The following SS18L2 variants were observed in gnomAD, a reference collection of about 807,000 sequenced individuals.
SS18L2 encodes the protein SS18-like protein 2.
SS18L2 carries 8 observed loss-of-function variants against 10.3 expected under a neutral mutation model. That is an observed-to-expected ratio of 0.78 (90% CI 0.46 to 1.41). The LOEUF (loss-of-function observed/expected upper bound fraction) is 1.41, where lower values mean the gene tolerates loss of function less well. Among genes scored for constraint, SS18L2 ranks in the 40% most tolerant of loss-of-function variants. The pLI, the probability that SS18L2 is intolerant of heterozygous loss-of-function variation, is 0.00. For missense variants in SS18L2, 100 were observed against 96.2 expected, an observed-to-expected ratio of 1.04 and a Z score of -0.17; for synonymous variants, 41 against 34.6, an observed-to-expected ratio of 1.19 and a Z score of -0.65.
chr3:42,591,568 A>G lies in SS18L2; in HGVS notation c.113A>G (p.Tyr38Cys), dbSNP rs1704845380. The G allele has an allele frequency of 1.9e-6, 3 of 1,614,020 alleles. No homozygotes were observed. Among genetic ancestry groups the G allele is most frequent in the Admixed American group, 1.7e-5 (1 of 60,004 alleles). ...CAGCTGATCCGCTGTATTGTGGAGT[A>G]TCAGAACAAGGGCCGCGGGAACGAG... Reference protein sequence around the residue: ...NDQLIRCIVEYQNKGRGNECV... With the variant: ...NDQLIRCIVECQNKGRGNECV... The change falls in exon 2 of 3, where the codon TAT becomes TGT. Residue 38 changes from tyrosine (Y) to cysteine (C), a missense_variant. By Grantham distance (194) the Tyr-to-Cys change is radical. Coordinates refer to ENST00000011691, the MANE Select transcript of SS18L2 (RefSeq NM_001370300.1).
At chr3:42,583,249 G>A (rs997057941) in intron 1 of SS18L2, among the ~76,000 whole-genome samples, 1 of 152,234 alleles carries the variant, frequency 6.6e-6, no homozygotes, top group African/African-American at 2.4e-5. Context: ...CTGGGAGCCA[G>A]TGCAGTCATC....
chr3:42,592,027 G>A (rs1050353157), intron 2 of SS18L2, among the ~76,000 whole-genome samples: 1 of 151,976 alleles, frequency 6.6e-6, no homozygotes, highest in African/African-American at 2.4e-5. Context: ...CTAACTTCCC[G>A]TCAGTCTGTT....
chr3:42,588,445 T>C (rs945915912), upstream of SS18L2, among the ~76,000 whole-genome samples: 5 of 152,042 alleles, frequency 3.3e-5, no homozygotes, highest in Non-Finnish European at 7.4e-5. Context: ...ACTTTATTCC[T>C]CAAAACATGT....
upstream of SS18L2, among the ~76,000 whole-genome samples, chr3:42,588,562 A>G (rs568969787): frequency 3.7e-4 from 56 of 152,330 alleles, 1 homozygote; most frequent in Non-Finnish European, 6.8e-4. Flanking sequence ...CATATGTAGC[A>G]TTATGTTATA....
chr3:42,583,608 C>T (rs1027234909), intron 1 of SS18L2, among the ~76,000 whole-genome samples: 2 of 152,114 alleles, frequency 1.3e-5, no homozygotes, highest in Non-Finnish European at 2.9e-5. Context: ...ACTCAGGTAG[C>T]TGGGGGAACA....
chr3:42,591,199 T>G, intron 1 of SS18L2: 7 of 547,222 alleles, frequency 1.3e-5, no homozygotes, highest in East Asian at 9.0e-5. Context: ...ACCCTTTCTC[T>G]CCTTTTTTTT....
At chr3:42,592,691 G>A (rs34977988) in intron 2 of SS18L2, among the ~76,000 whole-genome samples, 26,113 of 151,988 alleles carry the variant, frequency 0.17, 2,712 homozygotes, top group African/African-American at 0.29. Flanking sequence ...AAAAGTTTAT[G>A]GTAAATACCT....
chr3:42,590,749 T>G (rs984394406), upstream of SS18L2: 3 of 835,072 alleles, frequency 3.6e-6, no homozygotes, highest in Admixed American at 5.6e-5. Context: ...AGGAAAGCGC[T>G]GAGTATAGCT....
upstream of SS18L2, among the ~76,000 whole-genome samples, chr3:42,589,079 A>G (rs967339528): frequency 6.6e-6 from 1 of 151,762 alleles, no homozygotes; most frequent in African/African-American, 2.4e-5. Flanking sequence ...CCTGACCAAT[A>G]TGGTGAAACC....
At position 42,596,830 on chromosome 3, in the gene SS18L2, G is replaced by A. The variant is rs1705046177; in HGVS notation, c.*2321G>A. On this transcript the variant is annotated 3_prime_UTR_variant, in exon 3 of 3. Coordinates refer to ENST00000011691, the MANE Select transcript of SS18L2 (RefSeq NM_001370300.1). ...ATTTGTCTCAGGTCACATAACCAGT[G>A]GCAGAAAGAAGAGAATTGCTGGAAT... 6.6e-6 allele frequency among the ~76,000 whole-genome samples: 1 copy of A among 152,126 alleles called. No individual in the cohort carries two copies. Among genetic ancestry groups the A allele is most frequent in the Non-Finnish European group, 1.5e-5 (1 of 68,016 alleles).
At chr3:42,588,415 A>C (rs1704695704), upstream of SS18L2, among the ~76,000 whole-genome samples, 2 of 152,154 alleles carry the variant, frequency 1.3e-5, no homozygotes, top group African/African-American at 4.8e-5. Context: ...AAAAAACAAC[A>C]ACAACAAAAA....
At chr3:42,589,039 C>T (rs957863146), upstream of SS18L2, among the ~76,000 whole-genome samples, 8 of 151,756 alleles carry the variant, frequency 5.3e-5, no homozygotes, top group East Asian at 5.8e-4. Flanking sequence ...CCGAAGCGGG[C>T]GGATCACGAG....
At position 42,595,710 on chromosome 3, in the gene SS18L2, A is replaced by G. The variant is rs146912537; in HGVS notation, c.*1201A>G. Among the ~76,000 whole-genome samples, 2 of 152,256 alleles carry G rather than the reference A, an allele frequency of 1.3e-5. No individual in the cohort carries two copies. On this transcript the variant is annotated 3_prime_UTR_variant, in exon 3 of 3. Transcript: ENST00000011691. ...GAGGCAAAGGGATTCTTGTAAGTAT[A>G]TCCAAAATTAGAAGCCCAGGTCCCT...
upstream of SS18L2, among the ~76,000 whole-genome samples, chr3:42,588,379 T>G (rs1337104046): frequency 6.6e-6 from 1 of 152,154 alleles, no homozygotes. Flanking sequence ...CACTCCAGCT[T>G]GGGCAACAGA....
chr3:42,588,804 G>A (rs1704709182), upstream of SS18L2, among the ~76,000 whole-genome samples: 1 of 152,090 alleles, frequency 6.6e-6, no homozygotes, highest in East Asian at 1.9e-4. Flanking sequence ...TGCTCCTGAT[G>A]TTTCCTTTTC....
chr3:42,582,522 G>A (rs1231137306), intron 1 of SS18L2, among the ~76,000 whole-genome samples: 1 of 152,262 alleles, frequency 6.6e-6, no homozygotes, highest in East Asian at 1.9e-4. Context: ...AGGTAGCAGA[G>A]TCCGTCCATT....
Position 42,594,903 on chromosome 3 carries a change from A to T in SS18L2, c.*394A>T, listed in dbSNP as rs1704985320. ...TTGATACCTTGCTAAATGGACATGT[A>T]ACTGTGTGCTCCTTCCTATCAGTTT... On this transcript the variant is annotated 3_prime_UTR_variant, in exon 3 of 3. Coordinates refer to ENST00000011691, the MANE Select transcript of SS18L2 (RefSeq NM_001370300.1). 1 of 157,452 alleles carries T rather than the reference A, an allele frequency of 6.4e-6. No individual in the cohort carries two copies. Among genetic ancestry groups the T allele is most frequent in the Non-Finnish European group, 1.4e-5 (1 of 71,502 alleles). The allele number at this position is 157,452 out of a possible 1,614,324, so 9.8% of individuals were successfully genotyped here.
intron 2 of SS18L2, among the ~76,000 whole-genome samples, chr3:42,592,879 G>T (rs957042832): frequency 6.6e-6 from 1 of 151,936 alleles, no homozygotes; most frequent in African/African-American, 2.4e-5. Flanking sequence ...CCCCCCCACC[G>T]TAAACTTATG....
upstream of SS18L2, chr3:42,587,323 T>G (rs751233157): frequency 6.6e-6 from 1 of 152,290 alleles, no homozygotes; most frequent in Non-Finnish European, 1.5e-5. Context: ...TATAAACCTT[T>G]TCTTCTGGAG....
Sources: allele counts gnomAD v4.1 joint callset (sites outside exome capture counted in the v4.1 genomes callset), GRCh38; gene constraint gnomAD v4.1.1; transcripts MANE v1.5; gene names NCBI Gene and HGNC (gene_info 2026-07-23, HGNC 2026-07-21).